ZCWPW2: variants seen among roughly 807,000 people sequenced by gnomAD.
ZCWPW2 encodes the protein zinc finger CW-type PWWP domain protein 2.
A neutral mutation model predicts 46.6 loss-of-function variants in ZCWPW2; 45 were observed. That is an observed-to-expected ratio of 0.96 (90% CI 0.76 to 1.24). ZCWPW2 has a LOEUF of 1.24. Among genes scored for constraint, ZCWPW2 ranks in the 50% most tolerant of loss-of-function variants. The pLI, the probability that ZCWPW2 is intolerant of heterozygous loss-of-function variation, is 0.00. For synonymous variants in ZCWPW2, 152 were observed against 137.1 expected (o/e 1.11, Z -0.76); for missense variants, 429 against 403.9 (o/e 1.06, Z -0.53).
chr3:28,478,965 T>C (rs768633091), intron 5 of ZCWPW2, 34 bp downstream of exon 5: 1 of 1,369,388 alleles, frequency 7.3e-7, no homozygotes, highest in East Asian at 2.5e-5. Context: ...TACTCTGAAA[T>C]AAGGATTTAT....
At chr3:28,512,369 G>A (rs551332434) in intron 6 of ZCWPW2, among the ~76,000 whole-genome samples, 4 of 151,482 alleles carry the variant, frequency 2.6e-5, no homozygotes, top group Non-Finnish European at 5.9e-5. Flanking sequence ...ATTTTTAGTA[G>A]AGACAGCGTT....
intron 4 of ZCWPW2, among the ~76,000 whole-genome samples, chr3:28,436,323 C>CTTTTTTTTTTTTT (rs71087698): frequency 2.3e-4 from 27 of 116,834 alleles, no homozygotes; most frequent in East Asian, 4.7e-4. Context: ...TCTTTTTTTT[C>CTTTTTTTTTTTTT]TTTTTTTTTT....
chr3:28,515,692 T>A, intron 8 of ZCWPW2, 71 bp downstream of exon 8: 1 of 1,385,280 alleles, frequency 7.2e-7, no homozygotes, highest in Non-Finnish European at 9.9e-7. Context: ...GTTGTAGTCC[T>A]TTGAAGGAAA....
At chr3:28,393,771 A>G (rs1016996588) in intron 2 of ZCWPW2, among the ~76,000 whole-genome samples, 1 of 152,140 alleles carries the variant, frequency 6.6e-6, no homozygotes, top group Non-Finnish European at 1.5e-5. Flanking sequence ...CAAAATAGAT[A>G]TAGAAGGAAT....
intron 2 of ZCWPW2, among the ~76,000 whole-genome samples, chr3:28,403,557 G>A (rs931569304): frequency 1.3e-5 from 2 of 151,942 alleles, no homozygotes; most frequent in Admixed American, 1.3e-4. Flanking sequence ...TAAAATTTAT[G>A]TGGAACCAAA....
At chr3:28,407,530 C>G (rs961814179) in intron 2 of ZCWPW2, among the ~76,000 whole-genome samples, 4 of 152,046 alleles carry the variant, frequency 2.6e-5, no homozygotes, top group Admixed American at 1.3e-4. Flanking sequence ...AAGTAGTACT[C>G]TTATTATCCC....
intron 4 of ZCWPW2, chr3:28,478,257 T>G (rs1325286330): frequency 1.1e-5 from 3 of 278,544 alleles, no homozygotes; most frequent in Non-Finnish European, 2.2e-5. Flanking sequence ...ATTATTTTAT[T>G]TTTTGAGACA....
rs2125717465 is a variant in ZCWPW2 at position 28,390,618 on chromosome 3, G to GT, written c.-14+2dup. 1 of 985,350 alleles carries GT rather than the reference G, an allele frequency of 1.0e-6. No individual in the cohort carries two copies. Among genetic ancestry groups the GT allele is most frequent in the African/African-American group, 1.7e-5 (1 of 57,338 alleles). The allele number at this position is 985,350 out of a possible 1,614,324, so 61.0% of individuals were successfully genotyped here. A position where few individuals can be genotyped will look rare whatever the true frequency, so the allele number is the denominator to read the frequency against. On this transcript the variant is annotated splice_donor_variant, in intron 2 of 9. Transcript: ENST00000383768. LOFTEE classifies it low-confidence loss of function (5UTR_SPLICE). ...AGGAACAAAAGAAAAGTCTAACTCCGTAAGTACTTGAGAAACTCCAAAATG... is the reference window on the plus strand; with the variant it reads ...AGGAACAAAAGAAAAGTCTAACTCCGTTAAGTACTTGAGAAACTCCAAAATG...
At chr3:28,352,320 G>A (rs948704181) in intron 1 of ZCWPW2, among the ~76,000 whole-genome samples, 1 of 152,126 alleles carries the variant, frequency 6.6e-6, no homozygotes, top group Non-Finnish European at 1.5e-5. Flanking sequence ...TCCCGGGGGG[G>A]TTATATAGTT....
chr3:28,430,028 C>T (rs1218995776), intron 3 of ZCWPW2, among the ~76,000 whole-genome samples: 1 of 152,214 alleles, frequency 6.6e-6, no homozygotes, highest in South Asian at 2.1e-4. Context: ...AGCCCCCACA[C>T]AGAGTCCCCA....
chr3:28,411,536 G>A (rs886843338), intron 2 of ZCWPW2, among the ~76,000 whole-genome samples: 1 of 151,876 alleles, frequency 6.6e-6, no homozygotes, highest in East Asian at 1.9e-4. Flanking sequence ...TAGTAAGACA[G>A]CATATGAATA....
chr3:28,508,517 G>A (rs1700339945), intron 6 of ZCWPW2, among the ~76,000 whole-genome samples: 1 of 151,548 alleles, frequency 6.6e-6, no homozygotes, highest in African/African-American at 2.4e-5. Flanking sequence ...GTTTTGTTTT[G>A]TTTTGTTTTT....
intron 1 of ZCWPW2, among the ~76,000 whole-genome samples, chr3:28,370,971 A>G (rs1705313054): frequency 1.3e-5 from 2 of 152,078 alleles, no homozygotes; most frequent in Non-Finnish European, 2.9e-5. Context: ...ACCTCAGGTG[A>G]TCCGCCTGCC....
chr3:28,482,655 A>G (rs1699470197), intron 5 of ZCWPW2, among the ~76,000 whole-genome samples: 1 of 152,114 alleles, frequency 6.6e-6, no homozygotes, highest in African/African-American at 2.4e-5. Context: ...ATCCTCATCA[A>G]TATTTGGTGG....
intron 1 of ZCWPW2, among the ~76,000 whole-genome samples, chr3:28,363,136 G>A (rs1190009380): frequency 6.6e-6 from 1 of 151,988 alleles, no homozygotes; most frequent in East Asian, 1.9e-4. Context: ...ACCCGGCTGA[G>A]GAAATAATCT....
At chr3:28,420,519 A>T (rs1346413462) in intron 3 of ZCWPW2, among the ~76,000 whole-genome samples, 2 of 149,194 alleles carry the variant, frequency 1.3e-5, no homozygotes, top group African/African-American at 4.9e-5. Context: ...ATGTGTTCTC[A>T]TCATCAAATA....
At chr3:28,391,113 A>G (rs914191152) in intron 2 of ZCWPW2, among the ~76,000 whole-genome samples, 2 of 152,200 alleles carry the variant, frequency 1.3e-5, no homozygotes, top group African/African-American at 2.4e-5. Flanking sequence ...AGATTACATA[A>G]GAATTGGAGA....
intron 1 of ZCWPW2, among the ~76,000 whole-genome samples, chr3:28,369,485 G>A (rs1428916401): frequency 6.6e-6 from 1 of 152,176 alleles, no homozygotes; most frequent in African/African-American, 2.4e-5. Context: ...TTGGTGAACA[G>A]CAAATGTTGC....
At position 28,357,087 on chromosome 3, in the gene ZCWPW2, A is replaced by G. The variant is rs146328216; in HGVS notation, c.-134+7884A>G. ...TGTGCCTATAAAGAAAAAAAAATCC[A>G]TTTTTTCCTACTTAAAATGGGAAGA... On this transcript the variant is annotated intron_variant, in intron 1 of 9. Coordinates refer to ENST00000383768, the MANE Select transcript of ZCWPW2 (RefSeq NM_001040432.4). 2.5e-3 allele frequency among the ~76,000 whole-genome samples: 386 copies of G among 152,072 alleles called. 1 individual carries two copies. The highest frequency in any genetic ancestry group is 8.4e-3 in the African/African-American group (350 of 41,498).
Sources: gnomAD v4.1 joint callset for allele counts (sites outside exome capture counted in the v4.1 genomes callset) on GRCh38, gnomAD v4.1.1 for gene constraint, MANE v1.5 for transcripts, NCBI Gene and HGNC (gene_info 2026-07-23, HGNC 2026-07-21) for gene names.